Variants in SOCS2 observed in about 807,000 individuals in gnomAD.
SOCS2 encodes the protein suppressor of cytokine signaling 2.
In SOCS2, 10 loss-of-function variants were observed where a neutral mutation model predicts 18.6. That is an observed-to-expected ratio of 0.54 (90% CI 0.33 to 0.91). SOCS2 has a LOEUF of 0.91. Ranked by LOEUF, SOCS2 falls within the 40% of genes least tolerant of loss-of-function variation. The pLI is 0.02. For synonymous variants in SOCS2, 104 were observed against 104.0 expected (o/e 1.00, Z 0.00); for missense variants, 231 against 247.2 (o/e 0.93, Z 0.44).
intron 1 of SOCS2, among the ~76,000 whole-genome samples, chr12:93,582,645 G>A (rs1033830478): frequency 3.3e-5 from 5 of 152,176 alleles, no homozygotes; most frequent in Non-Finnish European, 7.3e-5. Flanking sequence ...GGGGTAACTG[G>A]CACAGATTCT....
chr12:93,621,340 T>A, the SOCS2 span, among the ~76,000 whole-genome samples: 1 of 152,180 alleles, frequency 6.6e-6, no homozygotes, highest in African/African-American at 2.4e-5. Flanking sequence ...ACACAGACTG[T>A]CTATCATGGA....
At chr12:93,618,129 C>T in the SOCS2 span, among the ~76,000 whole-genome samples, 5 of 152,110 alleles carry the variant, frequency 3.3e-5, no homozygotes, top group South Asian at 1.0e-3. Context: ...CTTCCGCCTG[C>T]TCTGGCCATG....
chr12:93,616,072 A>G, the SOCS2 span, among the ~76,000 whole-genome samples: 1 of 152,060 alleles, frequency 6.6e-6, no homozygotes, highest in African/African-American at 2.4e-5. Flanking sequence ...AGCCCTTCCC[A>G]CTCTTGGTCC....
downstream of SOCS2, among the ~76,000 whole-genome samples, chr12:93,586,431 T>TA (rs558322441): frequency 4.7e-4 from 72 of 152,228 alleles, no homozygotes; most frequent in Non-Finnish European, 8.2e-4. Flanking sequence ...ATTGGGTACC[T>TA]AATCACCAAT....
chr12:93,622,987 T>A, the SOCS2 span, among the ~76,000 whole-genome samples: 214 of 152,326 alleles, frequency 1.4e-3, no homozygotes, highest in African/African-American at 4.9e-3. Context: ...CAAAGTAGCA[T>A]GATAACTTTG....
downstream of SOCS2, among the ~76,000 whole-genome samples, chr12:93,586,312 T>A (rs10492321): frequency 0.2 from 30,593 of 152,238 alleles, 3,215 homozygotes; most frequent in East Asian, 0.32. Flanking sequence ...CTGTTTTGCT[T>A]AATTGGCTAT....
At chr12:93,587,211 A>G (rs960623114), downstream of SOCS2, among the ~76,000 whole-genome samples, 1 of 152,090 alleles carries the variant, frequency 6.6e-6, no homozygotes, top group African/African-American at 2.4e-5. Flanking sequence ...CCTCAAGGAG[A>G]TTCTGTATAG....
At chr12:93,577,518 C>CTT (rs751932008), downstream of SOCS2, among the ~76,000 whole-genome samples, 158 of 139,294 alleles carry the variant, frequency 1.1e-3, no homozygotes, top group African/African-American at 3.7e-3. Context: ...TATCCTAGCT[C>CTT]TTTTTTTTTT....
chr12:93,590,855 A>G, the SOCS2 span, among the ~76,000 whole-genome samples: 70 of 150,072 alleles, frequency 4.7e-4, no homozygotes, highest in Non-Finnish European at 7.1e-4. Context: ...GAAAAGTACA[A>G]TCCTTTTCTT....
the SOCS2 span, among the ~76,000 whole-genome samples, chr12:93,601,991 T>C: frequency 6.6e-6 from 1 of 152,262 alleles, no homozygotes; most frequent in South Asian, 2.1e-4. Context: ...GTACAGTTAC[T>C]GACAGTGTGT....
intron 1 of SOCS2, chr12:93,573,771 T>A (rs1188216620): frequency 6.6e-6 from 1 of 152,204 alleles, no homozygotes; most frequent in Non-Finnish European, 1.5e-5. Flanking sequence ...AAAAGTTCTC[T>A]CGCTTGCGAT....
At chr12:93,584,313 AC>A (rs2136715525), downstream of SOCS2, among the ~76,000 whole-genome samples, 1 of 152,334 alleles carries the variant, frequency 6.6e-6, no homozygotes, top group African/African-American at 2.4e-5. Context: ...TCAGATAACA[AC>A]CTATTTTCAG....
the SOCS2 span, among the ~76,000 whole-genome samples, chr12:93,616,772 T>G: frequency 6.6e-6 from 1 of 152,092 alleles, no homozygotes; most frequent in Middle Eastern, 3.2e-3. Context: ...AAAACAAACT[T>G]TGGCTGCTTC....
Position 93,574,954 on chromosome 12 carries a change from T to C in SOCS2, c.372T>C (p.His124=). 1 of 1,614,210 alleles carries C rather than the reference T, an allele frequency of 6.2e-7. No homozygotes were observed. The highest frequency in any genetic ancestry group is 8.5e-7 in the Non-Finnish European group (1 of 1,180,040). The change falls in exon 2 of 2, where the codon CAT becomes CAC. Residue 124 remains histidine (H), a synonymous_variant. Transcript: ENST00000551556. Reference sequence around the variant, plus strand: ...TTAAACAATTTGACAGTGTGGTTCATCTGATCGACTACTATGTTCAGATGT... The same window carrying C: ...TTAAACAATTTGACAGTGTGGTTCACCTGATCGACTACTATGTTCAGATGT... ...SKLKQFDSVV[H]LIDYYVQMCK... is the part of the protein sequence containing the mutation.
chr12:93,619,389 G>A, the SOCS2 span, among the ~76,000 whole-genome samples: 22 of 152,238 alleles, frequency 1.4e-4, no homozygotes, highest in African/African-American at 4.3e-4. Flanking sequence ...GGGCAGGATC[G>A]GAGCAAACAG....
At chr12:93,591,790 TGTGGTATTGAGA>T in the SOCS2 span, among the ~76,000 whole-genome samples, 1 of 151,916 alleles carries the variant, frequency 6.6e-6, no homozygotes, top group East Asian at 1.9e-4. Context: ...ACCAGATGAG[TGTGGTATTGAGA>T]GCAGACGGCT....
At chr12:93,609,598 AATT>A in the SOCS2 span, among the ~76,000 whole-genome samples, 1 of 151,994 alleles carries the variant, frequency 6.6e-6, no homozygotes, top group Admixed American at 6.6e-5. Context: ...TGGTAATAAT[AATT>A]TGTAACTATG....
the SOCS2 span, among the ~76,000 whole-genome samples, chr12:93,589,157 T>C: frequency 1.3e-5 from 2 of 152,196 alleles, no homozygotes; most frequent in Non-Finnish European, 2.9e-5. Context: ...CTCAACTCTT[T>C]TAGTGTTATC....
chr12:93,617,567 AAT>A, the SOCS2 span, among the ~76,000 whole-genome samples: 35 of 152,306 alleles, frequency 2.3e-4, no homozygotes, highest in South Asian at 7.3e-3. Flanking sequence ...AGGTCTTAGA[AAT>A]AAAATTAAAT....
Sources: allele counts gnomAD v4.1 joint callset (sites outside exome capture counted in the v4.1 genomes callset), GRCh38; gene constraint gnomAD v4.1.1; transcripts MANE v1.5; gene names NCBI Gene and HGNC (gene_info 2026-07-23, HGNC 2026-07-21).